The following NGEF variants were observed in gnomAD, a reference collection of about 807,000 sequenced individuals.
NGEF encodes the protein neuronal guanine nucleotide exchange factor.
A neutral mutation model predicts 80.9 loss-of-function variants in NGEF; 31 were observed. The observed-to-expected ratio is 0.38, with a 90% CI of 0.29 to 0.52. The LOEUF is 0.52. Among genes scored for constraint, NGEF ranks in the 20% least tolerant of loss-of-function variants. NGEF has a pLI of 0.84. For missense variants in NGEF, 709 were observed against 926.2 expected (o/e 0.77, Z 3.04); for synonymous variants, 371 against 370.2 (o/e 1.00, Z -0.03).
At chr2:232,907,987 G>GTAA (rs1692607695) in intron 5 of NGEF, among the ~76,000 whole-genome samples, 1 of 152,042 alleles carries the variant, frequency 6.6e-6, no homozygotes, top group Non-Finnish European at 1.5e-5. Flanking sequence ...GTGGGTGCTT[G>GTAA]TAATCCCAGC....
intron 10 of NGEF, chr2:232,885,070 G>A (rs1179180189): frequency 1.7e-6 from 1 of 575,400 alleles, no homozygotes; most frequent in African/African-American, 1.9e-5. Context: ...CGTCTCCCAG[G>A]AGACAGATCC....
intron 3 of NGEF, among the ~76,000 whole-genome samples, chr2:232,969,272 G>A (rs1008584342): frequency 1.1e-5 from 1 of 88,632 alleles, no homozygotes; most frequent in Non-Finnish European, 2.2e-5. Flanking sequence ...TCTGGGTGGT[G>A]GTAGTACAGT....
At chr2:233,007,799 G>A (rs1442298730) in intron 1 of NGEF, among the ~76,000 whole-genome samples, 1 of 152,136 alleles carries the variant, frequency 6.6e-6, no homozygotes, top group Non-Finnish European at 1.5e-5. Flanking sequence ...CTTGATTTAG[G>A]AATGCTTCCA....
intron 5 of NGEF, among the ~76,000 whole-genome samples, chr2:232,896,709 G>T (rs1692088916): frequency 1.9e-5 from 1 of 53,916 alleles, no homozygotes; most frequent in African/African-American, 8.2e-5. Flanking sequence ...TAGGGGTGGG[G>T]GTAGGGGTGA....
chr2:232,944,726 A>AACATATATATATAT (rs988760226), intron 3 of NGEF, among the ~76,000 whole-genome samples: 5 of 108,750 alleles, frequency 4.6e-5, no homozygotes, highest in Admixed American at 3.8e-4. Context: ...GACTTTTCCG[A>AACATATATATATAT]ATATATATAT....
At chr2:233,007,883 C>T (rs138473603) in intron 1 of NGEF, among the ~76,000 whole-genome samples, 16 of 152,304 alleles carry the variant, frequency 1.1e-4, no homozygotes, top group East Asian at 1.9e-4. Flanking sequence ...GTTGTCCAGG[C>T]GCCAGATGCC....
intron 1 of NGEF, among the ~76,000 whole-genome samples, chr2:232,979,371 CACACACACACACACACACACACACAG>C (rs1694361172): frequency 1.2e-5 from 1 of 85,578 alleles, no homozygotes; most frequent in African/African-American, 6.5e-5. Context: ...CACACACACA[CACACACACACACACACACACACACAG>C]GAAGAGATTG....
At chr2:232,930,918 G>A (rs761759985) in intron 3 of NGEF, among the ~76,000 whole-genome samples, 6 of 152,272 alleles carry the variant, frequency 3.9e-5, no homozygotes, top group South Asian at 2.1e-4. Flanking sequence ...TCTGAAGTCC[G>A]AAGTCTCATC....
intron 1 of NGEF, among the ~76,000 whole-genome samples, chr2:232,982,255 T>G (rs1694446212): frequency 6.6e-6 from 1 of 152,094 alleles, no homozygotes; most frequent in Admixed American, 6.5e-5. Flanking sequence ...GTGGGGTGTG[T>G]TAGGGTCCAG....
chr2:233,013,253 C>T lies in NGEF; in HGVS notation c.-260G>A, dbSNP rs1225266601. 2.1e-6 allele frequency: 1 copy of T among 471,210 alleles called. No homozygotes were observed. Among genetic ancestry groups the T allele is most frequent in the East Asian group, 6.9e-5 (1 of 14,398 alleles). 29.2% of individuals were successfully genotyped at this position (471,210 alleles called of 1,614,324 possible). ...GTCCTGGAAAAGCTTCACTGGTAAG[C>T]ATTCCCGACCTTTAGACCTGCCTTG... On this transcript the variant is annotated 5_prime_UTR_variant, in exon 1 of 15. An upstream start codon of the reference 5' UTR is lost. Transcript: ENST00000264051.
At chr2:232,883,277 G>T in intron 12 of NGEF, 34 bp downstream of exon 12, 1 of 1,559,140 alleles carries the variant, frequency 6.4e-7, no homozygotes, top group South Asian at 1.2e-5. Flanking sequence ...AGGTGCCACG[G>T]GTAGCACTGG....
intron 3 of NGEF, among the ~76,000 whole-genome samples, chr2:232,961,756 A>G (rs1693957932): frequency 1.3e-5 from 2 of 152,234 alleles, no homozygotes; most frequent in Admixed American, 1.3e-4. Context: ...TTGGGCTCCC[A>G]ACCAGATTAT....
intron 3 of NGEF, among the ~76,000 whole-genome samples, chr2:232,959,760 G>A (rs548409365): frequency 6.6e-6 from 1 of 152,162 alleles, no homozygotes; most frequent in Non-Finnish European, 1.5e-5. Flanking sequence ...TGTATTTTTA[G>A]TAGAGAAGGG....
intron 1 of NGEF, among the ~76,000 whole-genome samples, chr2:232,984,632 T>A (rs931010243): frequency 6.6e-6 from 1 of 152,142 alleles, no homozygotes; most frequent in East Asian, 1.9e-4. Flanking sequence ...GTGAGCTGCA[T>A]GAACTGCAGC....
At chr2:232,899,901 T>G (rs58637177) in intron 5 of NGEF, among the ~76,000 whole-genome samples, 1 of 54,540 alleles carries the variant, frequency 1.8e-5, no homozygotes, top group African/African-American at 7.7e-5. Context: ...TTCACACACA[T>G]GCTCTCACAG....
intron 3 of NGEF, among the ~76,000 whole-genome samples, chr2:232,958,922 C>T (rs998487514): frequency 3.3e-5 from 5 of 152,048 alleles, no homozygotes; most frequent in East Asian, 1.9e-4. Context: ...AAATCCCAGA[C>T]GTCATATCAC....
chr2:232,930,823 A>G (rs1228582305), intron 3 of NGEF, among the ~76,000 whole-genome samples: 1 of 152,202 alleles, frequency 6.6e-6, no homozygotes, highest in Non-Finnish European at 1.5e-5. Flanking sequence ...GTCCCCCAAA[A>G]GTCGTGTGCT....
chr2:232,906,154 T>G (rs1692521384), intron 5 of NGEF, among the ~76,000 whole-genome samples: 1 of 55,188 alleles, frequency 1.8e-5, no homozygotes, highest in Non-Finnish European at 3.6e-5. Flanking sequence ...ACCCGCCCCG[T>G]CCGGGAGGGA....
intron 3 of NGEF, among the ~76,000 whole-genome samples, chr2:232,945,797 G>T (rs779121819): frequency 3.0e-4 from 45 of 152,232 alleles, no homozygotes; most frequent in Non-Finnish European, 4.9e-4. Flanking sequence ...TATGGCACAG[G>T]TGGAGTCATT....
Sources: allele counts gnomAD v4.1 joint callset (sites outside exome capture counted in the v4.1 genomes callset), GRCh38; gene constraint gnomAD v4.1.1; transcripts MANE v1.5; gene names NCBI Gene and HGNC (gene_info 2026-07-23, HGNC 2026-07-21).